ZNF385D: variants seen among roughly 807,000 people sequenced by gnomAD.
The protein encoded by ZNF385D is zinc finger protein 659.
A neutral mutation model predicts 35.8 loss-of-function variants in ZNF385D; 15 were observed. That is an observed-to-expected ratio of 0.42 (90% CI 0.28 to 0.64). ZNF385D has a LOEUF of 0.64. Among genes scored for constraint, ZNF385D ranks in the 30% least tolerant of loss-of-function variants. ZNF385D has a pLI of 0.23. For missense variants in ZNF385D, 474 were observed against 494.6 expected, an observed-to-expected ratio of 0.96 and a Z score of 0.39; for synonymous variants, 212 against 186.8, an observed-to-expected ratio of 1.13 and a Z score of -1.10.
chr3:21,617,511 T>C (rs1353622642), intron 2 of ZNF385D, among the ~76,000 whole-genome samples: 1 of 152,210 alleles, frequency 6.6e-6, no homozygotes, highest in Non-Finnish European at 1.5e-5. Context: ...CAATGCTTTA[T>C]GTATGTTAGT....
intron 3 of ZNF385D, among the ~76,000 whole-genome samples, chr3:21,897,067 T>C (rs1054596010): frequency 3.9e-5 from 6 of 152,162 alleles, no homozygotes; most frequent in Non-Finnish European, 7.3e-5. Flanking sequence ...ATCACCCAAG[T>C]ACACATGAAT....
chr3:21,973,568 G>C (rs971747874), intron 3 of ZNF385D, among the ~76,000 whole-genome samples: 1 of 152,044 alleles, frequency 6.6e-6, no homozygotes, highest in East Asian at 1.9e-4. Context: ...GTACTAGCTA[G>C]ACCAATAGGA....
chr3:21,572,859 A>T (rs2063374346), intron 2 of ZNF385D, among the ~76,000 whole-genome samples: 1 of 152,184 alleles, frequency 6.6e-6, no homozygotes, highest in South Asian at 2.1e-4. Flanking sequence ...GGCTAACTTA[A>T]AGTGGGTACT....
chr3:21,449,564 A>G (rs1702342812), intron 4 of ZNF385D, among the ~76,000 whole-genome samples: 1 of 152,160 alleles, frequency 6.6e-6, no homozygotes, highest in African/African-American at 2.4e-5. Context: ...GTTACTTTTA[A>G]CAACAACCCA....
chr3:22,351,389 TATACAAAGACAAGGG>T (rs1695909335), intron 2 of ZNF385D, among the ~76,000 whole-genome samples: 2 of 152,074 alleles, frequency 1.3e-5, no homozygotes, highest in South Asian at 4.1e-4. Flanking sequence ...ATGAGCAGTT[TATACAAAGACAAGGG>T]ATACTAAGAC....
At chr3:22,086,332 G>T (rs929216136) in intron 3 of ZNF385D, among the ~76,000 whole-genome samples, 1 of 152,182 alleles carries the variant, frequency 6.6e-6, no homozygotes, top group African/African-American at 2.4e-5. Flanking sequence ...TTCTCCTTAA[G>T]CTGATAAGCA....
chr3:22,234,185 T>C (rs914995711), intron 2 of ZNF385D, among the ~76,000 whole-genome samples: 4 of 152,144 alleles, frequency 2.6e-5, no homozygotes, highest in Non-Finnish European at 4.4e-5. Context: ...CATATTCAAC[T>C]GGACTCAGAG....
At chr3:22,099,990 AAAAC>A (rs1443282623) in intron 3 of ZNF385D, among the ~76,000 whole-genome samples, 10 of 152,088 alleles carry the variant, frequency 6.6e-5, no homozygotes, top group South Asian at 2.1e-4. Context: ...TTACAAGAAA[AAAAC>A]AAACAACCCC....
intron 3 of ZNF385D, among the ~76,000 whole-genome samples, chr3:21,930,069 C>G (rs957731856): frequency 6.6e-6 from 1 of 151,984 alleles, no homozygotes; most frequent in Non-Finnish European, 1.5e-5. Flanking sequence ...ATAATCAAGA[C>G]AAGTGGTACT....
chr3:22,071,924 G>A (rs141565433), intron 3 of ZNF385D, among the ~76,000 whole-genome samples: 1 of 152,076 alleles, frequency 6.6e-6, no homozygotes, highest in Non-Finnish European at 1.5e-5. Context: ...TTAATACAAT[G>A]GTCTTGCAAG....
At chr3:21,975,818 T>G (rs1266235370) in intron 3 of ZNF385D, among the ~76,000 whole-genome samples, 2 of 141,240 alleles carry the variant, frequency 1.4e-5, no homozygotes, top group Admixed American at 1.5e-4. Flanking sequence ...CCCATGAAAA[T>G]AAAAAAAAAA....
At chr3:21,622,602 G>A (rs1364323470) in intron 2 of ZNF385D, among the ~76,000 whole-genome samples, 2 of 152,148 alleles carry the variant, frequency 1.3e-5, no homozygotes, top group Non-Finnish European at 2.9e-5. Flanking sequence ...AAGGCTTCAC[G>A]TAATATTACA....
chr3:22,280,508 C>A (rs1329900563), intron 2 of ZNF385D, among the ~76,000 whole-genome samples: 1 of 151,960 alleles, frequency 6.6e-6, no homozygotes, highest in Non-Finnish European at 1.5e-5. Context: ...TATCCCAGCA[C>A]CATTTGTTGA....
chr3:21,949,298 T>G (rs1380500607), intron 3 of ZNF385D, among the ~76,000 whole-genome samples: 1 of 152,146 alleles, frequency 6.6e-6, no homozygotes, highest in Non-Finnish European at 1.5e-5. Context: ...TTGTGAGTGT[T>G]TGTGTCTGTG....
intron 3 of ZNF385D, among the ~76,000 whole-genome samples, chr3:22,084,795 A>C (rs891855902): frequency 1.3e-5 from 2 of 152,216 alleles, no homozygotes; most frequent in African/African-American, 4.8e-5. Context: ...ACCACATCAC[A>C]GTTATTCCAA....
At chr3:21,449,755 T>C (rs1055892534) in intron 4 of ZNF385D, among the ~76,000 whole-genome samples, 1 of 152,192 alleles carries the variant, frequency 6.6e-6, no homozygotes, top group Non-Finnish European at 1.5e-5. Context: ...GAAAAAGCCT[T>C]ATCATGGATG....
rs115132513 is a variant in ZNF385D, at chr3:22,353,263, C to T, written c.106+19187G>A. On this transcript the variant is annotated intron_variant, in intron 2 of 5. Transcript: ENST00000494108. ...AAATGGGGCCATTCACTCATCTGTG[C>T]CATGCCAAGTAACAGAAGCACAGGC... Among the ~76,000 whole-genome samples the T allele has an allele frequency of 8.9e-3, 1,355 of 152,278 alleles. 14 individuals carry two copies. The highest frequency in any genetic ancestry group is 0.015 in the Non-Finnish European group (1,022 of 68,022).
intron 2 of ZNF385D, among the ~76,000 whole-genome samples, chr3:22,322,652 T>A (rs1011548162): frequency 2.0e-5 from 3 of 152,234 alleles, no homozygotes; most frequent in African/African-American, 7.2e-5. Context: ...TGTTCTATTA[T>A]CTCTCACTGA....
intron 3 of ZNF385D, among the ~76,000 whole-genome samples, chr3:21,953,647 A>C (rs1702161100): frequency 1.3e-5 from 2 of 152,032 alleles, no homozygotes; most frequent in African/African-American, 4.8e-5. Flanking sequence ...TGTTTTCTAA[A>C]CATTCAAGGA....
Sources: gnomAD v4.1 joint callset for allele counts (sites outside exome capture counted in the v4.1 genomes callset) on GRCh38, gnomAD v4.1.1 for gene constraint, MANE v1.5 for transcripts, NCBI Gene and HGNC (gene_info 2026-07-23, HGNC 2026-07-21) for gene names.